DNAH17: variants seen among roughly 807,000 people sequenced by gnomAD.
DNAH17 encodes dynein axonemal heavy chain 17.
A neutral mutation model predicts 485.6 loss-of-function variants in DNAH17; 376 were observed. The ratio of observed to expected loss-of-function variants is 0.77; its 90% CI spans 0.71 to 0.84. The LOEUF is 0.84. Ranked by LOEUF, DNAH17 falls within the 40% of genes least tolerant of loss-of-function variation. DNAH17 has a pLI of 0.00. For missense variants in DNAH17, 6,370 were observed against 5,839.3 expected (o/e 1.09, Z -2.96); for synonymous variants, 3,031 against 2,405.9 (o/e 1.26, Z -7.60).
chr17:78,453,864 G>A (rs547981981), intron 64 of DNAH17, among the ~76,000 whole-genome samples: 1 of 151,178 alleles, frequency 6.6e-6, no homozygotes, highest in Non-Finnish European at 1.5e-5. Flanking sequence ...GGTTTTTTTT[G>A]TTTGTTTGTT....
chr17:78,458,517 T>C (rs2087919273), intron 62 of DNAH17, 48 bp downstream of exon 62: 1 of 1,530,992 alleles, frequency 6.5e-7, no homozygotes, highest in South Asian at 1.1e-5. Context: ...GCTTGTCCCT[T>C]TCAGGGGGTC....
At chr17:78,425,321 G>A (rs376893489) in intron 80 of DNAH17, 25 bp downstream of exon 80, 13 of 1,604,458 alleles carry the variant, frequency 8.1e-6, no homozygotes, top group East Asian at 4.5e-5. Context: ...GGAAGCTTCT[G>A]CAGACAGACA....
chr17:78,567,458 G>A (rs911286080), intron 9 of DNAH17, among the ~76,000 whole-genome samples: 2 of 152,160 alleles, frequency 1.3e-5, no homozygotes, highest in African/African-American at 4.8e-5. Context: ...ACCCCAGACT[G>A]GCCAAACCGC....
At chr17:78,515,362 A>G (rs1472791810) in intron 25 of DNAH17, among the ~76,000 whole-genome samples, 1 of 152,110 alleles carries the variant, frequency 6.6e-6, no homozygotes, top group Non-Finnish European at 1.5e-5. Flanking sequence ...TACAAAAATT[A>G]GCTGGGTGTG....
intron 13 of DNAH17, 94 bp downstream of exon 13, chr17:78,560,646 A>G: frequency 7.6e-7 from 1 of 1,314,726 alleles, no homozygotes; most frequent in Non-Finnish European, 1.0e-6. Flanking sequence ...TGATATAAAC[A>G]TCGACCTCCA....
intron 26 of DNAH17, among the ~76,000 whole-genome samples, chr17:78,513,744 T>G (rs1389136076): frequency 6.6e-6 from 1 of 152,172 alleles, no homozygotes; most frequent in Non-Finnish European, 1.5e-5. Flanking sequence ...CTTTCCTCTA[T>G]TTAATCTGTC....
intron 8 of DNAH17, 38 bp downstream of exon 8, chr17:78,569,337 C>T (rs755894783): frequency 1.7e-5 from 28 of 1,608,870 alleles, no homozygotes; most frequent in African/African-American, 9.4e-5. Context: ...TGAACTCACT[C>T]GTCCTGCCTT....
At chr17:78,442,631 G>A (rs1025662774) in intron 71 of DNAH17, among the ~76,000 whole-genome samples, 1 of 151,042 alleles carries the variant, frequency 6.6e-6, no homozygotes, top group Non-Finnish European at 1.5e-5. Context: ...AAGCATGCAG[G>A]CTGGGTTCGT....
At chr17:78,542,083 C>T (rs2091607605) in intron 17 of DNAH17, among the ~76,000 whole-genome samples, 1 of 151,018 alleles carries the variant, frequency 6.6e-6, no homozygotes, top group Admixed American at 6.6e-5. Flanking sequence ...TCATTAAAGT[C>T]CACACCACTG....
chr17:78,496,592 T>G (rs1471271754), intron 37 of DNAH17: 1 of 151,968 alleles, frequency 6.6e-6, no homozygotes, highest in Non-Finnish European at 1.5e-5. Context: ...ACCATGTCCT[T>G]TTTTTCTGTG....
chr17:78,436,098 C>T (rs1488459204), intron 74 of DNAH17, among the ~76,000 whole-genome samples: 1 of 152,138 alleles, frequency 6.6e-6, no homozygotes, highest in Admixed American at 6.5e-5. Flanking sequence ...ACCGATACAC[C>T]CCATAAGTAG....
chr17:78,507,395 G>A lies in DNAH17; in HGVS notation c.4585-26C>T, dbSNP rs117163120. 1.6e-4 allele frequency: 253 copies of A among 1,613,940 alleles called. 1 individual carries two copies. The East Asian group carries it at 5.3e-3, about 34-fold the overall frequency. ...CTGGGAAGAGAAGGGGATCGCCAAG[G>A]CATTAGGGATCGCCACACACAGTCA... On this transcript the variant is annotated intron_variant, in intron 28 of 80. Transcript: ENST00000389840.
intron 49 of DNAH17, among the ~76,000 whole-genome samples, chr17:78,480,311 TG>T (rs1291497259): frequency 2.6e-5 from 4 of 151,990 alleles, no homozygotes; most frequent in Non-Finnish European, 5.9e-5. Flanking sequence ...ATCACACCAT[TG>T]CACTCCAGCC....
chr17:78,562,277 G>A (rs75580533), intron 11 of DNAH17, among the ~76,000 whole-genome samples: 11 of 152,070 alleles, frequency 7.2e-5, no homozygotes, highest in African/African-American at 2.7e-4. Flanking sequence ...ATTCTGGTAA[G>A]GAAGACTTAA....
intron 14 of DNAH17, 31 bp from the exon 15 acceptor site, chr17:78,552,836 G>A (rs371363589): frequency 2.9e-5 from 43 of 1,477,938 alleles, no homozygotes; most frequent in Middle Eastern, 3.4e-4. Context: ...GTTTTGTTCC[G>A]AGTCCAACCA....
chr17:78,480,794 G>A lies in DNAH17; in HGVS notation c.7650-8C>T, dbSNP rs773876562. 4.4e-6 allele frequency: 7 copies of A among 1,605,486 alleles called. No homozygotes were observed. The East Asian group carries it at 1.6e-4, about 36-fold the overall frequency. Reference sequence around the variant, plus strand: ...AGCTTATGTCTGTCATACCTGAGGGGGGAAACCAGCATTCATGTTGTGCCC... The same window carrying A: ...AGCTTATGTCTGTCATACCTGAGGGAGGAAACCAGCATTCATGTTGTGCCC... On this transcript the variant is annotated splice_polypyrimidine_tract_variant and splice_region_variant and intron_variant, in intron 48 of 80. Coordinates refer to ENST00000389840, the MANE Select transcript of DNAH17 (RefSeq NM_173628.4).
chr17:78,517,394 A>G (rs2090816107), intron 25 of DNAH17, among the ~76,000 whole-genome samples: 2 of 152,342 alleles, frequency 1.3e-5, no homozygotes, highest in Middle Eastern at 3.4e-3. Flanking sequence ...GAGTTCAACT[A>G]TTTTTGAAAA....
At chr17:78,522,188 G>A (rs1325732609) in intron 25 of DNAH17, 1 of 162,178 alleles carries the variant, frequency 6.2e-6, no homozygotes, top group Non-Finnish European at 1.3e-5. Context: ...GGCTGCAGAG[G>A]GAAGGAGCTC....
At position 78,552,787 on chromosome 17, in the gene DNAH17, C is replaced by A. The variant is rs758289166; in HGVS notation, c.2197G>T (p.Ala733Ser). The A allele has an allele frequency of 3.2e-5, 52 of 1,610,142 alleles. No homozygotes were observed. In the Admixed American group the frequency reaches 6.0e-4, roughly 19 times the overall value. Reference protein sequence around the residue: ...WYNEIKTIVKAVEFLLIKSEL... With the variant: ...WYNEIKTIVKSVEFLLIKSEL... ...GACTTTATTAGTAGAAATTCTACTG[C>A]CTTCACTATAGTCTTTATCTGAAAA... The change falls in exon 15 of 81, where the codon GCA (alanine) becomes TCA (serine). Residue 733 changes from alanine to serine, a missense_variant. Physicochemically the swap from Ala to Ser is moderately conservative, Grantham distance 99. Transcript: ENST00000389840.
Sources: allele counts gnomAD v4.1 joint callset (sites outside exome capture counted in the v4.1 genomes callset), GRCh38; gene constraint gnomAD v4.1.1; transcripts MANE v1.5; gene names NCBI Gene and HGNC (gene_info 2026-07-23, HGNC 2026-07-21).